PPARGC1A: variants seen among roughly 807,000 people sequenced by gnomAD.
PPARGC1A encodes PPARG coactivator 1 alpha.
PPARGC1A carries 25 observed loss-of-function variants against 88.7 expected under a neutral mutation model. The ratio of observed to expected loss-of-function variants is 0.28; its 90% confidence interval spans 0.21 to 0.39. PPARGC1A has a LOEUF of 0.39. PPARGC1A is among the 10% of genes least tolerant of loss of function. PPARGC1A has a pLI of 1.00. For missense variants in PPARGC1A, 880 were observed against 968.7 expected, an observed-to-expected ratio of 0.91 and a Z score of 1.22; for synonymous variants, 363 against 355.6, an observed-to-expected ratio of 1.02 and a Z score of -0.24.
At chr4:24,154,203 T>C in the PPARGC1A span, among the ~76,000 whole-genome samples, 1 of 152,208 alleles carries the variant, frequency 6.6e-6, no homozygotes, top group Non-Finnish European at 1.5e-5. Context: ...CTCACACAAC[T>C]GCATCTTACG....
At chr4:24,377,105 A>G in the PPARGC1A span, among the ~76,000 whole-genome samples, 3 of 152,280 alleles carry the variant, frequency 2.0e-5, no homozygotes, top group South Asian at 2.1e-4. Flanking sequence ...ACGTGAAAAA[A>G]AAATCTAGGA....
At chr4:24,123,273 G>A in the PPARGC1A span, among the ~76,000 whole-genome samples, 4 of 152,136 alleles carry the variant, frequency 2.6e-5, no homozygotes, top group Non-Finnish European at 4.4e-5. Context: ...ACTACAGATG[G>A]GACTGGATGG....
chr4:24,311,645 AAAT>A, the PPARGC1A span, among the ~76,000 whole-genome samples: 3 of 152,052 alleles, frequency 2.0e-5, no homozygotes, highest in South Asian at 4.2e-4. Context: ...ATCTCAAAAA[AAAT>A]AATAATAATT....
the PPARGC1A span, among the ~76,000 whole-genome samples, chr4:24,333,097 C>A: frequency 6.6e-6 from 1 of 152,172 alleles, no homozygotes; most frequent in Admixed American, 6.5e-5. Context: ...CAAAAATTAG[C>A]TGGGCGTGGT....
the PPARGC1A span, among the ~76,000 whole-genome samples, chr4:24,058,007 A>G: frequency 6.6e-6 from 1 of 152,196 alleles, no homozygotes; most frequent in Non-Finnish European, 1.5e-5. Flanking sequence ...AGAGAAGGGA[A>G]GCAACCTGCT....
At chr4:24,145,232 C>A in the PPARGC1A span, among the ~76,000 whole-genome samples, 2 of 152,026 alleles carry the variant, frequency 1.3e-5, no homozygotes, top group Admixed American at 6.6e-5. Context: ...AGAGATGAAC[C>A]ACTTTGCCCA....
chr4:24,457,962 T>G, the PPARGC1A span, among the ~76,000 whole-genome samples: 3,309 of 151,928 alleles, frequency 0.022, 52 homozygotes, highest in Middle Eastern at 0.058. Context: ...CAACAGAACA[T>G]AGGCCAGTAG....
the PPARGC1A span, among the ~76,000 whole-genome samples, chr4:23,939,901 C>A: frequency 6.6e-6 from 1 of 152,150 alleles, no homozygotes; most frequent in Non-Finnish European, 1.5e-5. Context: ...AGCATATTAT[C>A]CCTCAACCAC....
the PPARGC1A span, among the ~76,000 whole-genome samples, chr4:24,273,169 C>T: frequency 6.6e-6 from 1 of 152,168 alleles, no homozygotes; most frequent in Non-Finnish European, 1.5e-5. Context: ...AATAAAGACT[C>T]CCTTCAAAGT....
the PPARGC1A span, among the ~76,000 whole-genome samples, chr4:24,277,418 C>A: frequency 6.6e-6 from 1 of 152,068 alleles, no homozygotes; most frequent in African/African-American, 2.4e-5. Flanking sequence ...CAAGTGTAGG[C>A]TCTGTCTCAC....
the PPARGC1A span, among the ~76,000 whole-genome samples, chr4:23,968,301 G>A: frequency 1.3e-5 from 2 of 152,202 alleles, no homozygotes; most frequent in Admixed American, 1.3e-4. Flanking sequence ...CTTCATAAAT[G>A]CAAAGGGCTT....
the PPARGC1A span, among the ~76,000 whole-genome samples, chr4:24,152,914 T>C: frequency 1.3e-5 from 2 of 152,232 alleles, no homozygotes; most frequent in Non-Finnish European, 2.9e-5. Context: ...AGCAACACTT[T>C]CATGTGCTAA....
the PPARGC1A span, among the ~76,000 whole-genome samples, chr4:24,270,461 T>G: frequency 6.6e-6 from 1 of 152,262 alleles, no homozygotes; most frequent in African/African-American, 2.4e-5. Context: ...TATAGGGCAC[T>G]ACTAATTTTA....
At chr4:24,424,727 A>G in the PPARGC1A span, among the ~76,000 whole-genome samples, 1 of 152,226 alleles carries the variant, frequency 6.6e-6, no homozygotes, top group Non-Finnish European at 1.5e-5. Context: ...TAATTTGAGC[A>G]TCATCTCTCA....
At chr4:24,246,421 C>T in the PPARGC1A span, among the ~76,000 whole-genome samples, 1 of 152,042 alleles carries the variant, frequency 6.6e-6, no homozygotes, top group African/African-American at 2.4e-5. Context: ...CCCAGGAGTT[C>T]AAGACCAGCT....
chr4:23,953,338 T>A, the PPARGC1A span, among the ~76,000 whole-genome samples: 2 of 152,106 alleles, frequency 1.3e-5, no homozygotes, highest in African/African-American at 4.8e-5. Flanking sequence ...CTTGAATAAA[T>A]CTCTTAGTAG....
At chr4:24,092,316 C>A in the PPARGC1A span, among the ~76,000 whole-genome samples, 37,807 of 151,924 alleles carry the variant, frequency 0.25, 5,195 homozygotes, top group Non-Finnish European at 0.3. Flanking sequence ...AACTTTAGAA[C>A]TCAAACCCAG....
At chr4:24,194,149 C>T in the PPARGC1A span, among the ~76,000 whole-genome samples, 1 of 135,814 alleles carries the variant, frequency 7.4e-6, no homozygotes, top group Admixed American at 7.3e-5. Flanking sequence ...AAAAAAAGTA[C>T]ACCAATGAAC....
the PPARGC1A span, among the ~76,000 whole-genome samples, chr4:24,428,245 C>T: frequency 6.6e-6 from 1 of 152,222 alleles, no homozygotes; most frequent in African/African-American, 2.4e-5. Flanking sequence ...ATCCCAGCGC[C>T]TCTCCTGGTG....
Sources: allele counts gnomAD v4.1 joint callset (sites outside exome capture counted in the v4.1 genomes callset), GRCh38; gene constraint gnomAD v4.1.1; transcripts MANE v1.5; gene names NCBI Gene and HGNC (gene_info 2026-07-23, HGNC 2026-07-21).